Variants in UBAC2 observed in about 807,000 individuals in gnomAD.
UBAC2 encodes the protein ubiquitin-associated domain-containing protein 2.
A neutral mutation model predicts 44.0 loss-of-function variants in UBAC2; 26 were observed. The ratio of observed to expected loss-of-function variants is 0.59; its 90% confidence interval spans 0.43 to 0.82. The LOEUF is 0.82. Among genes scored for constraint, UBAC2 ranks in the 40% least tolerant of loss-of-function variants. UBAC2 has a pLI of 0.00. For synonymous variants in UBAC2, 155 were observed against 154.3 expected (o/e 1.00, Z -0.04); for missense variants, 329 against 419.4 (o/e 0.78, Z 1.88).
intron 3 of UBAC2, 79 bp downstream of exon 3, chr13:99,244,030 C>G: frequency 8.5e-7 from 1 of 1,180,480 alleles, no homozygotes; most frequent in Non-Finnish European, 1.2e-6. Flanking sequence ...TTTTGTTAAA[C>G]TTGGTGTTGT....
intron 2 of UBAC2, among the ~76,000 whole-genome samples, chr13:99,242,185 C>A (rs1233396173): frequency 1.3e-5 from 2 of 152,360 alleles, no homozygotes; most frequent in East Asian, 3.9e-4. Context: ...CTTTTCCCCA[C>A]CTTTCCCCCC....
intron 4 of UBAC2, among the ~76,000 whole-genome samples, chr13:99,262,529 C>T (rs904051041): frequency 1.3e-5 from 2 of 151,692 alleles, no homozygotes; most frequent in Non-Finnish European, 2.9e-5. Context: ...ATGGCAAAAC[C>T]CTGTCTCTAC....
chr13:99,215,229 A>G, intron 1 of UBAC2: 1 of 637,280 alleles, frequency 1.6e-6, no homozygotes, highest in Non-Finnish European at 2.8e-6. Flanking sequence ...TTGGAAAGCT[A>G]ATTAAACTTC....
rs2043408922 is a variant in UBAC2, at chr13:99,247,936, A to C, written c.389+3312A>C. On this transcript the variant is annotated intron_variant, in intron 4 of 8. Coordinates refer to ENST00000403766, the MANE Select transcript of UBAC2 (RefSeq NM_001144072.2). ...TTATAAAGGTCACCAGTGGCCACCT[A>C]ATTTCTAAAGCCACTGGCCATCCTC... Among the ~76,000 whole-genome samples the C allele has an allele frequency of 3.3e-5, 5 of 151,400 alleles. No individual in the cohort carries two copies. In the South Asian group the frequency reaches 1.0e-3, roughly 31 times the overall value.
In UBAC2 at chr13:99,386,055, C is replaced by G. The variant is rs1035602113; in HGVS notation, c.*720C>G. 1 of 152,308 alleles carries G rather than the reference C, an allele frequency of 6.6e-6. No homozygotes were observed. Among genetic ancestry groups the G allele is most frequent in the Non-Finnish European group, 1.5e-5 (1 of 68,066 alleles). 9.4% of individuals were successfully genotyped at this position (152,308 alleles called of 1,614,324 possible). A position where few individuals can be genotyped will look rare whatever the true frequency, so the allele number is the denominator to read the frequency against. ...GGCTTCCTGGAGCCACATGGGCTGA[C>G]TAGGGCACTCTGTGGCTGGCCTGGC... On this transcript the variant is annotated 3_prime_UTR_variant, in exon 9 of 9. Transcript: ENST00000403766.
intron 7 of UBAC2, among the ~76,000 whole-genome samples, chr13:99,347,016 G>A (rs1381324989): frequency 6.6e-6 from 1 of 152,172 alleles, no homozygotes; most frequent in African/African-American, 2.4e-5. Flanking sequence ...AGTGGTTCAC[G>A]CCTGTAATCC....
At chr13:99,218,852 C>T (rs1000384256) in intron 1 of UBAC2, among the ~76,000 whole-genome samples, 3 of 152,058 alleles carry the variant, frequency 2.0e-5, no homozygotes, top group African/African-American at 7.2e-5. Context: ...ACGTGGTCAC[C>T]GAATCTAAGT....
At chr13:99,354,733 AG>A (rs1270676431) in intron 7 of UBAC2, among the ~76,000 whole-genome samples, 1 of 152,122 alleles carries the variant, frequency 6.6e-6, no homozygotes, top group African/African-American at 2.4e-5. Flanking sequence ...AGGATGCCCG[AG>A]GGTTTTTGGT....
chr13:99,362,171 C>G lies in UBAC2; in HGVS notation c.808-5616C>G, dbSNP rs1443751284. Reference sequence around the variant, plus strand: ...ATATTCTTGTACAACTTTATTTGTTCATTAAACATTGTATATTTGAGATTT... The same window carrying G: ...ATATTCTTGTACAACTTTATTTGTTGATTAAACATTGTATATTTGAGATTT... On this transcript the variant is annotated intron_variant, in intron 7 of 8. Transcript: ENST00000403766. Among the ~76,000 whole-genome samples the G allele has an allele frequency of 2.0e-5, 3 of 151,900 alleles. No homozygotes were observed. In the South Asian group the frequency reaches 6.2e-4, roughly 32 times the overall value.
At chr13:99,257,487 C>T (rs1282486962) in intron 4 of UBAC2, among the ~76,000 whole-genome samples, 2 of 151,962 alleles carry the variant, frequency 1.3e-5, no homozygotes, top group African/African-American at 2.4e-5. Flanking sequence ...TTTTTTCCCA[C>T]GTTATGCTCA....
chr13:99,370,921 C>T (rs953972472), intron 8 of UBAC2, among the ~76,000 whole-genome samples: 1 of 152,152 alleles, frequency 6.6e-6, no homozygotes, highest in Non-Finnish European at 1.5e-5. Flanking sequence ...GTAAAATCTT[C>T]CTATAACATG....
chr13:99,305,467 G>A (rs1467351673), intron 4 of UBAC2, among the ~76,000 whole-genome samples: 1 of 152,164 alleles, frequency 6.6e-6, no homozygotes, highest in East Asian at 1.9e-4. Context: ...TATTAGGTGC[G>A]AAGCTCTTTT....
At chr13:99,244,425 A>G in intron 3 of UBAC2, 90 bp from the exon 4 acceptor site, 1 of 846,494 alleles carries the variant, frequency 1.2e-6, no homozygotes, top group Non-Finnish European at 2.0e-6. Context: ...ACATATGAAT[A>G]CACACCTCTG....
In UBAC2 at chr13:99,340,649, A is replaced by G. The variant is rs2044872187; in HGVS notation, c.807+84A>G. ...TCCTCTGTGATTGCATGTGAGATAG[A>G]GACTACATTTTATTCCAGTGCCTTG... On this transcript the variant is annotated intron_variant, in intron 7 of 8. Transcript: ENST00000403766. The G allele has an allele frequency of 2.8e-5, 41 of 1,449,720 alleles. No individual in the cohort carries two copies. In the South Asian group the frequency reaches 5.0e-4, roughly 18 times the overall value. The allele number at this position is 1,449,720 out of a possible 1,614,324, so 89.8% of individuals were successfully genotyped here.
chr13:99,291,402 A>G (rs1185276527), intron 4 of UBAC2, among the ~76,000 whole-genome samples: 1 of 152,194 alleles, frequency 6.6e-6, no homozygotes, highest in African/African-American at 2.4e-5. Context: ...TGTAATCCAC[A>G]TGCTTTTCAT....
intron 4 of UBAC2, among the ~76,000 whole-genome samples, chr13:99,282,587 A>G (rs556149449): frequency 2.2e-4 from 33 of 152,170 alleles, no homozygotes; most frequent in Non-Finnish European, 4.4e-4. Flanking sequence ...AAAGATATTT[A>G]TAACTGTTGG....
At chr13:99,201,161 C>T in intron 1 of UBAC2, 1 of 1,361,896 alleles carries the variant, frequency 7.3e-7, no homozygotes, top group Non-Finnish European at 9.5e-7. Flanking sequence ...CGCCGCCCGC[C>T]CCGACCCCAC....
In UBAC2 at chr13:99,336,044, A is replaced by G. The variant is rs574187689; in HGVS notation, c.562-4276A>G. Among the ~76,000 whole-genome samples the G allele has an allele frequency of 1.4e-4, 22 of 152,012 alleles. No homozygotes were observed. The South Asian group carries it at 4.2e-3, about 29-fold the overall frequency. On this transcript the variant is annotated intron_variant, in intron 6 of 8. Coordinates refer to ENST00000403766, the MANE Select transcript of UBAC2 (RefSeq NM_001144072.2). ...AAACTGGATGTTAGAGGAGCTTTAC[A>G]TTTTTGCCAGTTGCTGTATTTAAGA...
chr13:99,350,670 A>T lies in UBAC2; in HGVS notation c.807+10105A>T, dbSNP rs546419146. Among the ~76,000 whole-genome samples the T allele has an allele frequency of 2.0e-5, 3 of 152,348 alleles. No individual in the cohort carries two copies. The East Asian group carries it at 5.8e-4, about 29-fold the overall frequency. ...AATATCCTTTCTAATAAATGGGTAGATGTCAGTGTTTCCCTGAGTTCTGTG... is the reference window on the plus strand; with the variant it reads ...AATATCCTTTCTAATAAATGGGTAGTTGTCAGTGTTTCCCTGAGTTCTGTG... On this transcript the variant is annotated intron_variant, in intron 7 of 8. Transcript: ENST00000403766.
Sources: gnomAD v4.1 joint callset for allele counts (sites outside exome capture counted in the v4.1 genomes callset) on GRCh38, gnomAD v4.1.1 for gene constraint, MANE v1.5 for transcripts, NCBI Gene and HGNC (gene_info 2026-07-23, HGNC 2026-07-21) for gene names.